PTPRQ: variants seen among roughly 807,000 people sequenced by gnomAD.
PTPRQ encodes the protein protein tyrosine phosphatase receptor type Q.
In PTPRQ, 199 loss-of-function variants were observed where a neutral mutation model predicts 246.0. The observed-to-expected ratio is 0.81, with a 90% CI of 0.72 to 0.91. PTPRQ has a LOEUF of 0.91. Ranked by LOEUF, PTPRQ falls within the 40% of genes least tolerant of loss-of-function variation. PTPRQ has a pLI of 0.00. For synonymous variants in PTPRQ, 869 were observed against 853.2 expected (o/e 1.02, Z -0.32); for missense variants, 2,624 against 2,528.4 (o/e 1.04, Z -0.81).
intron 26 of PTPRQ, among the ~76,000 whole-genome samples, chr12:80,595,604 G>A (rs1047606122): frequency 2.0e-5 from 3 of 151,830 alleles, no homozygotes; most frequent in Admixed American, 6.6e-5. Context: ...TAGGGTACAT[G>A]TGCACAATGT....
intron 3 of PTPRQ, among the ~76,000 whole-genome samples, chr12:80,452,505 G>A (rs192958216): frequency 4.6e-5 from 7 of 152,204 alleles, no homozygotes; most frequent in South Asian, 2.1e-4. Flanking sequence ...GGCTGGTACC[G>A]GTTGTTCTTT....
intron 9 of PTPRQ, among the ~76,000 whole-genome samples, chr12:80,488,905 G>T (rs1894363002): frequency 6.6e-6 from 1 of 151,888 alleles, no homozygotes; most frequent in South Asian, 2.1e-4. Context: ...GAGTCTCAGG[G>T]TTTGAGATCT....
intron 3 of PTPRQ, 118 bp downstream of exon 3, chr12:80,445,835 G>A (rs948329169): frequency 2.0e-5 from 14 of 701,898 alleles, no homozygotes; most frequent in South Asian, 3.4e-5. Context: ...GACTGACAAC[G>A]TTCACAGTCA....
chr12:80,483,720 G>T (rs1230041837), intron 8 of PTPRQ, among the ~76,000 whole-genome samples: 2 of 151,768 alleles, frequency 1.3e-5, no homozygotes, highest in African/African-American at 4.8e-5. Flanking sequence ...TTCTCCTAAT[G>T]CTATCCCTCC....
intron 17 of PTPRQ, among the ~76,000 whole-genome samples, chr12:80,523,642 C>T (rs1895584298): frequency 6.6e-6 from 1 of 152,180 alleles, no homozygotes; most frequent in East Asian, 1.9e-4. Context: ...CATTCAGGAG[C>T]AGGGTGTTCA....
chr12:80,528,515 G>C (rs539031780), intron 17 of PTPRQ, among the ~76,000 whole-genome samples: 1 of 152,102 alleles, frequency 6.6e-6, no homozygotes, highest in East Asian at 1.9e-4. Context: ...GAGCACCCCT[G>C]GGAAGTCATT....
At chr12:80,464,080 GA>G (rs1447153581) in intron 6 of PTPRQ, among the ~76,000 whole-genome samples, 2 of 151,950 alleles carry the variant, frequency 1.3e-5, no homozygotes, top group African/African-American at 4.8e-5. Flanking sequence ...TGGCAAATTA[GA>G]TAAAGAGTCA....
chr12:80,582,885 C>CA (rs927078398), intron 25 of PTPRQ, among the ~76,000 whole-genome samples: 2 of 151,796 alleles, frequency 1.3e-5, no homozygotes, highest in African/African-American at 2.4e-5. Context: ...AAAAACAAAA[C>CA]AAAAAAAACT....
chr12:80,457,095 C>A (rs533351304), intron 3 of PTPRQ, among the ~76,000 whole-genome samples: 1 of 151,956 alleles, frequency 6.6e-6, no homozygotes, highest in East Asian at 1.9e-4. Flanking sequence ...TTCTGGAATT[C>A]TTAGTTTAAA....
At chr12:80,610,762 T>C in intron 28 of PTPRQ, 137 bp downstream of exon 28, 2 of 1,015,678 alleles carry the variant, frequency 2.0e-6, no homozygotes, top group Non-Finnish European at 2.7e-6. Flanking sequence ...TTAGTGACTC[T>C]CTGCAACTGA....
In PTPRQ at chr12:80,539,783, C is replaced by A; in HGVS notation, c.2993C>A (p.Thr998Lys). ...AATGTGTTTATTTTTCAGAATTTTA[C>A]ACTCCATGAAGTAACCAATGACTTT... is the stretch of plus-strand genomic sequence containing the variant. ...NTSGTFMQNF[T>K]LHEVTNDFDN... Residue 998 changes from threonine to lysine, a missense_variant, in exon 20 of 45, where the codon ACA becomes AAA. Thr to Lys is a moderately conservative substitution (Grantham distance 78). Coordinates refer to ENST00000644991, the MANE Select transcript of PTPRQ (RefSeq NM_001145026.2). 6.5e-7 allele frequency: 1 copy of A among 1,533,072 alleles called. No homozygotes were observed. The highest frequency in any genetic ancestry group is 2.1e-5 in the Admixed American group (1 of 47,108). The allele number at this position is 1,533,072 out of a possible 1,614,324, so 95.0% of individuals were successfully genotyped here.
At chr12:80,558,168 C>CTT (rs71094987) in intron 25 of PTPRQ, among the ~76,000 whole-genome samples, 4 of 35,226 alleles carry the variant, frequency 1.1e-4, no homozygotes, top group African/African-American at 4.6e-4. Context: ...CTTTTCTTTT[C>CTT]TTTCTTTTCT....
intron 37 of PTPRQ, among the ~76,000 whole-genome samples, chr12:80,650,331 T>A (rs1900216687): frequency 6.6e-6 from 1 of 151,754 alleles, no homozygotes; most frequent in Non-Finnish European, 1.5e-5. Context: ...TTTTTTAACA[T>A]TTTGTATATC....
chr12:80,645,952 A>G (rs558520168), intron 35 of PTPRQ, among the ~76,000 whole-genome samples: 1 of 152,210 alleles, frequency 6.6e-6, no homozygotes, highest in East Asian at 1.9e-4. Context: ...TGTATTAGAG[A>G]TTTGTTTGGG....
chr12:80,505,686 GA>G (rs2120694680), intron 14 of PTPRQ, among the ~76,000 whole-genome samples: 1 of 151,908 alleles, frequency 6.6e-6, no homozygotes, highest in East Asian at 1.9e-4. Context: ...ATGAGAAGTA[GA>G]ATCAAGTTTT....
intron 6 of PTPRQ, among the ~76,000 whole-genome samples, chr12:80,466,327 G>C (rs972107188): frequency 3.1e-3 from 470 of 152,114 alleles, no homozygotes; most frequent in African/African-American, 0.01. Context: ...TCAAGGAGAA[G>C]TACAAACCAG....
intron 33 of PTPRQ, among the ~76,000 whole-genome samples, chr12:80,625,882 C>T (rs2121149626): frequency 6.6e-6 from 1 of 152,216 alleles, no homozygotes; most frequent in South Asian, 2.1e-4. Flanking sequence ...TCCCTAGGCA[C>T]ATCAGTTTAT....
intron 25 of PTPRQ, chr12:80,561,308 A>G (rs993111144): frequency 3.9e-4 from 59 of 152,208 alleles, no homozygotes; most frequent in African/African-American, 1.3e-3. Context: ...ACAATTTACA[A>G]TGGTCTCCAC....
At position 80,541,753 on chromosome 12, in the gene PTPRQ, A is replaced by G. The variant is rs1483883337; in HGVS notation, c.3353A>G (p.Tyr1118Cys). 3 of 1,551,138 alleles carry G rather than the reference A, an allele frequency of 1.9e-6. No homozygotes were observed. The highest frequency in any genetic ancestry group is 4.9e-5 in the East Asian group (2 of 40,922). ...ATATATTTTGATAATCTGGAAAAATACACTGATTATATATTAAAAATTACT... is the reference window on the plus strand; with the variant it reads ...ATATATTTTGATAATCTGGAAAAATGCACTGATTATATATTAAAAATTACT... ...RSIYFDNLEK[Y>C]TDYILKITPS... is the part of the protein sequence containing the mutation. Residue 1118 changes from tyrosine to cysteine, a missense_variant, in exon 21 of 45, where the codon TAC becomes TGC. Physicochemically the swap from Tyr to Cys is radical, Grantham distance 194 (BLOSUM62 -2). Coordinates refer to ENST00000644991, the MANE Select transcript of PTPRQ (RefSeq NM_001145026.2).
Sources: gnomAD v4.1 joint callset for allele counts (sites outside exome capture counted in the v4.1 genomes callset) on GRCh38, gnomAD v4.1.1 for gene constraint, MANE v1.5 for transcripts, NCBI Gene and HGNC (gene_info 2026-07-23, HGNC 2026-07-21) for gene names.